ANK2: variants seen among roughly 807,000 people sequenced by gnomAD.
ANK2 encodes ankyrin 2.
Under a neutral mutation model 360.5 loss-of-function variants are expected in ANK2, and 83 were observed. The ratio of observed to expected loss-of-function variants is 0.23; its 90% CI spans 0.19 to 0.28. The LOEUF is 0.28. Ranked by LOEUF, ANK2 falls within the 10% of genes least tolerant of loss-of-function variation. The probability of loss-of-function intolerance (pLI) is 1.00; values close to 1 mark genes in which losing one functional copy is unlikely to be tolerated. For missense variants in ANK2, 4,201 were observed against 4,795.7 expected (o/e 0.88, Z 3.66); for synonymous variants, 1,740 against 1,759.5 (o/e 0.99, Z 0.28).
intron 1 of ANK2, among the ~76,000 whole-genome samples, chr4:112,880,044 ACACT>A (rs913416543): frequency 4.8e-5 from 7 of 145,876 alleles, no homozygotes; most frequent in African/African-American, 1.0e-4. Context: ...TAGGACACAG[ACACT>A]CACACACACA....
intron 2 of ANK2, among the ~76,000 whole-genome samples, chr4:113,181,782 C>T (rs2098420914): frequency 6.6e-6 from 1 of 152,036 alleles, no homozygotes; most frequent in African/African-American, 2.4e-5. Flanking sequence ...CAAGGGCCAG[C>T]AAGGAAGCAA....
chr4:112,977,392 TATTA>T (rs2041789318), intron 2 of ANK2, among the ~76,000 whole-genome samples: 1 of 152,118 alleles, frequency 6.6e-6, no homozygotes, highest in Non-Finnish European at 1.5e-5. Flanking sequence ...AAATGTTTTA[TATTA>T]ATTTTAAGAT....
chr4:112,873,702 A>AT (rs373762462), intron 1 of ANK2, among the ~76,000 whole-genome samples: 6,217 of 132,026 alleles, frequency 0.047, 352 homozygotes, highest in African/African-American at 0.14. Context: ...ACGCTTGGCT[A>AT]TTTTTTTTTT....
intron 2 of ANK2, among the ~76,000 whole-genome samples, chr4:113,193,662 A>G (rs2098705631): frequency 6.6e-6 from 1 of 152,130 alleles, no homozygotes; most frequent in African/African-American, 2.4e-5. Context: ...TATGGCACGT[A>G]TTTCATCTTG....
chr4:113,069,130 C>T (rs2076650817), intron 1 of ANK2, among the ~76,000 whole-genome samples: 1 of 151,742 alleles, frequency 6.6e-6, no homozygotes, highest in African/African-American at 2.4e-5. Context: ...GGATCAAAGT[C>T]CTGGAAGTAA....
At chr4:113,117,490 C>T (rs1421391153) in intron 1 of ANK2, 1 of 440,916 alleles carries the variant, frequency 2.3e-6, no homozygotes, top group East Asian at 7.0e-5. Context: ...GAACTGGCAA[C>T]TTCATCCTCC....
Position 113,335,976 on chromosome 4 carries a change from A to G in ANK2, c.3510A>G (p.Val1170=), listed in dbSNP as rs35336373. 5.5e-3 allele frequency: 8,929 copies of G among 1,614,120 alleles called. 406 individuals are homozygous for G. The African/African-American group carries it at 0.097, about 18-fold the overall frequency. Residue 1170 remains valine, a synonymous_variant, in exon 30 of 46, where the codon GTA becomes GTG. Coordinates refer to ENST00000357077, the MANE Select transcript of ANK2 (RefSeq NM_001148.6). ...ATCTGATTGGCCCAGAAGGAGGTGTACTGAGCAGCACAGTGGTGCCCCAGG... is the reference window on the plus strand; with the variant it reads ...ATCTGATTGGCCCAGAAGGAGGTGTGCTGAGCAGCACAGTGGTGCCCCAGG... ...DSNLIGPEGG[V]LSSTVVPQVQ...
At chr4:112,739,012 C>T in the ANK2 span, 1 of 628,870 alleles carries the variant, frequency 1.6e-6, no homozygotes, top group Non-Finnish European at 2.9e-6. Context: ...CTCACAAAAA[C>T]CAAGAACCGC....
intron 2 of ANK2, among the ~76,000 whole-genome samples, chr4:112,998,867 C>T (rs753699971): frequency 1.4e-4 from 22 of 152,244 alleles, no homozygotes; most frequent in Non-Finnish European, 2.4e-4. Context: ...AATGAACACT[C>T]TTCTAAATTA....
intron 2 of ANK2, among the ~76,000 whole-genome samples, chr4:112,936,164 G>T (rs184129213): frequency 6.6e-6 from 1 of 152,150 alleles, no homozygotes; most frequent in Non-Finnish European, 1.5e-5. Flanking sequence ...GTCTGTCTCT[G>T]AAATTATGTT....
At chr4:112,763,559 G>A in the ANK2 span, among the ~76,000 whole-genome samples, 1 of 145,332 alleles carries the variant, frequency 6.9e-6, no homozygotes, top group Non-Finnish European at 1.5e-5. Context: ...CCTAGTCGGA[G>A]TCTCGCTCTG....
At chr4:112,782,555 C>T in the ANK2 span, among the ~76,000 whole-genome samples, 1 of 151,850 alleles carries the variant, frequency 6.6e-6, no homozygotes, top group African/African-American at 2.4e-5. Flanking sequence ...ATTTTTATCC[C>T]CATGCTACAG....
chr4:112,778,072 C>T, the ANK2 span, among the ~76,000 whole-genome samples: 1,156 of 151,916 alleles, frequency 7.6e-3, 10 homozygotes, highest in African/African-American at 0.026. Context: ...TGGGTTCAAG[C>T]GATTCTTCTG....
intron 2 of ANK2, among the ~76,000 whole-genome samples, chr4:112,930,405 C>G (rs530507279): frequency 6.6e-6 from 1 of 150,732 alleles, no homozygotes; most frequent in African/African-American, 2.4e-5. Flanking sequence ...GCTGAGATCA[C>G]GCCACTGCAC....
chr4:113,167,017 C>T (rs1447872104), intron 1 of ANK2, among the ~76,000 whole-genome samples: 1 of 151,944 alleles, frequency 6.6e-6, no homozygotes, highest in African/African-American at 2.4e-5. Context: ...GAACAAAACT[C>T]TATGTATTTA....
intron 17 of ANK2, among the ~76,000 whole-genome samples, chr4:113,280,997 G>A (rs954288147): frequency 5.3e-5 from 8 of 152,058 alleles, no homozygotes; most frequent in Non-Finnish European, 1.0e-4. Context: ...TGAAGCATCT[G>A]GGACCTCTGA....
chr4:113,040,197 G>T (rs2062620922), intron 2 of ANK2, among the ~76,000 whole-genome samples: 1 of 151,970 alleles, frequency 6.6e-6, no homozygotes, highest in Non-Finnish European at 1.5e-5. Flanking sequence ...ACCTAGCCGG[G>T]AGCATGTACA....
chr4:113,231,886 C>T (rs1392077004), intron 4 of ANK2, among the ~76,000 whole-genome samples: 1 of 152,184 alleles, frequency 6.6e-6, no homozygotes, highest in Non-Finnish European at 1.5e-5. Context: ...AGGCATGAGC[C>T]ACTGAGCCTG....
At chr4:113,148,854 T>A (rs2096931167) in intron 1 of ANK2, among the ~76,000 whole-genome samples, 1 of 152,154 alleles carries the variant, frequency 6.6e-6, no homozygotes, top group Non-Finnish European at 1.5e-5. Context: ...AGAGGACGGA[T>A]GGCAATGAGG....
Sources: gnomAD v4.1 joint callset for allele counts (sites outside exome capture counted in the v4.1 genomes callset) on GRCh38, gnomAD v4.1.1 for gene constraint, MANE v1.5 for transcripts, NCBI Gene and HGNC (gene_info 2026-07-23, HGNC 2026-07-21) for gene names.